Variants in NCKAP5 observed in about 807,000 individuals in gnomAD.
NCKAP5 encodes NCK associated protein 5.
NCKAP5 carries 92 observed loss-of-function variants against 167.0 expected under a neutral mutation model. That is an observed-to-expected ratio of 0.55 (90% confidence interval 0.47 to 0.66). The LOEUF (loss-of-function observed/expected upper bound fraction) is 0.66. NCKAP5 is among the 30% of genes least tolerant of loss of function. The pLI, the probability that NCKAP5 is intolerant of heterozygous loss-of-function variation, is 0.00. For missense variants in NCKAP5, 2,378 were observed against 2,315.0 expected (o/e 1.03, Z -0.56); for synonymous variants, 891 against 877.4 (o/e 1.02, Z -0.27).
At chr2:133,374,873 T>G (rs1686038310) in intron 3 of NCKAP5, among the ~76,000 whole-genome samples, 1 of 152,174 alleles carries the variant, frequency 6.6e-6, no homozygotes, top group Non-Finnish European at 1.5e-5. Flanking sequence ...AGGAAAGCAC[T>G]CACTAAACTT....
At chr2:133,584,175 G>A in the NCKAP5 span, among the ~76,000 whole-genome samples, 1 of 152,178 alleles carries the variant, frequency 6.6e-6, no homozygotes, top group Non-Finnish European at 1.5e-5. Flanking sequence ...TCCTAGGATA[G>A]TTCAGGTAAT....
intron 3 of NCKAP5, among the ~76,000 whole-genome samples, chr2:133,323,776 C>T (rs1682233759): frequency 6.6e-6 from 1 of 152,118 alleles, no homozygotes; most frequent in East Asian, 1.9e-4. Context: ...AATCACTGTC[C>T]CAGCCAAATC....
At chr2:132,910,101 A>AT (rs1390312546) in intron 8 of NCKAP5, among the ~76,000 whole-genome samples, 2 of 151,688 alleles carry the variant, frequency 1.3e-5, no homozygotes, top group East Asian at 1.9e-4. Context: ...AATATTTTAA[A>AT]TTTTTTTTCA....
intron 11 of NCKAP5, among the ~76,000 whole-genome samples, chr2:132,835,578 G>T (rs1687834163): frequency 6.7e-6 from 1 of 150,358 alleles, no homozygotes. Flanking sequence ...CTTTACATCA[G>T]GCTTGTTCAA....
At chr2:133,637,476 CAAAAAAA>C in the NCKAP5 span, among the ~76,000 whole-genome samples, 773 of 31,744 alleles carry the variant, frequency 0.024, 18 homozygotes, top group African/African-American at 0.11. Context: ...TGGTATTTTC[CAAAAAAA>C]AAAAAAAAAA....
chr2:133,274,971 C>T (rs1183272756), intron 4 of NCKAP5, among the ~76,000 whole-genome samples: 1 of 148,984 alleles, frequency 6.7e-6, no homozygotes, highest in Non-Finnish European at 1.5e-5. Context: ...AAAAAAAAAC[C>T]ATAAACAAAA....
At chr2:133,319,631 C>T (rs762082846) in intron 3 of NCKAP5, among the ~76,000 whole-genome samples, 17 of 152,116 alleles carry the variant, frequency 1.1e-4, no homozygotes, top group Admixed American at 5.2e-4. Context: ...GGGATAGCAA[C>T]GCAGACAGTT....
At chr2:133,319,198 C>T (rs916643585) in intron 3 of NCKAP5, among the ~76,000 whole-genome samples, 72 of 121,008 alleles carry the variant, frequency 6.0e-4, no homozygotes, top group Non-Finnish European at 8.8e-4. Context: ...AATCATTTGA[C>T]GCTATAGTGA....
chr2:132,946,961 T>C (rs1697795071), intron 8 of NCKAP5, among the ~76,000 whole-genome samples: 1 of 152,236 alleles, frequency 6.6e-6, no homozygotes, highest in Non-Finnish European at 1.5e-5. Flanking sequence ...AAGTGAGAGT[T>C]ATAAAACATT....
At chr2:133,619,454 G>A in the NCKAP5 span, among the ~76,000 whole-genome samples, 1 of 151,936 alleles carries the variant, frequency 6.6e-6, no homozygotes, top group East Asian at 1.9e-4. Flanking sequence ...GCACTGGAAA[G>A]TCTCAGCAAT....
chr2:132,853,767 G>T (rs932693725), intron 11 of NCKAP5, among the ~76,000 whole-genome samples: 2 of 152,152 alleles, frequency 1.3e-5, no homozygotes, highest in African/African-American at 2.4e-5. Flanking sequence ...TATGTCTGCA[G>T]TCTCACTGGC....
chr2:133,148,858 G>A lies in NCKAP5; in HGVS notation c.208-18747C>T, dbSNP rs763781917. On this transcript the variant is annotated intron_variant, in intron 5 of 19. Transcript: ENST00000409261. ...AAATACCATCACATTGGAAATGAGA[G>A]TTTCAACATTCGAATTTTGGGAGGA... is the stretch of plus-strand genomic sequence containing the variant. 7.9e-5 allele frequency among the ~76,000 whole-genome samples: 12 copies of A among 152,108 alleles called. 1 individual carries two copies. The highest frequency in any genetic ancestry group is 1.5e-4 in the Non-Finnish European group (10 of 68,004).
chr2:132,950,770 C>T (rs1248346355), intron 8 of NCKAP5, among the ~76,000 whole-genome samples: 1 of 152,058 alleles, frequency 6.6e-6, no homozygotes, highest in Non-Finnish European at 1.5e-5. Flanking sequence ...AGTTACCTCC[C>T]CCAAGCTACT....
chr2:133,494,295 C>A (rs141756270), intron 3 of NCKAP5, among the ~76,000 whole-genome samples: 44 of 152,260 alleles, frequency 2.9e-4, no homozygotes, highest in African/African-American at 1.1e-3. Context: ...TATACAAAAC[C>A]TTGGGCTTAG....
chr2:133,609,257 A>G, the NCKAP5 span, among the ~76,000 whole-genome samples: 1 of 152,062 alleles, frequency 6.6e-6, no homozygotes, highest in Non-Finnish European at 1.5e-5. Context: ...GCTTTTTGAG[A>G]AAAAAAATAT....
At chr2:133,617,711 GA>G in the NCKAP5 span, among the ~76,000 whole-genome samples, 8 of 151,654 alleles carry the variant, frequency 5.3e-5, no homozygotes, top group East Asian at 1.9e-4. Flanking sequence ...TCAATATCAT[GA>G]AAATGGCCAT....
intron 3 of NCKAP5, among the ~76,000 whole-genome samples, chr2:133,360,914 A>G (rs1156417667): frequency 6.6e-6 from 1 of 151,662 alleles, no homozygotes; most frequent in Non-Finnish European, 1.5e-5. Context: ...ACTGGAACCA[A>G]TACATGGTTT....
chr2:133,664,296 G>T, the NCKAP5 span, among the ~76,000 whole-genome samples: 40 of 152,114 alleles, frequency 2.6e-4, no homozygotes, highest in Middle Eastern at 3.4e-3. Flanking sequence ...AGCATAATTC[G>T]TAAGGACCCT....
chr2:133,469,839 C>T (rs1292748021), intron 3 of NCKAP5, among the ~76,000 whole-genome samples: 1 of 151,542 alleles, frequency 6.6e-6, no homozygotes, highest in Non-Finnish European at 1.5e-5. Context: ...ATGTAGTTCT[C>T]GAGCCTTGGT....
Sources: allele counts gnomAD v4.1 joint callset (sites outside exome capture counted in the v4.1 genomes callset), GRCh38; gene constraint gnomAD v4.1.1; transcripts MANE v1.5; gene names NCBI Gene and HGNC (gene_info 2026-07-23, HGNC 2026-07-21).